Variants in ZDHHC4 observed in about 807,000 individuals in gnomAD.
ZDHHC4 encodes palmitoyltransferase ZDHHC4.
In ZDHHC4, 42 loss-of-function variants were observed where a neutral mutation model predicts 36.7. The ratio of observed to expected loss-of-function variants is 1.14; its 90% confidence interval spans 0.89 to 1.48. The LOEUF (loss-of-function observed/expected upper bound fraction) is 1.48, where lower values mean the gene tolerates loss of function less well. Among genes scored for constraint, ZDHHC4 ranks in the 40% most tolerant of loss-of-function variants. ZDHHC4 has a pLI of 0.00. For synonymous variants in ZDHHC4, 189 were observed against 166.6 expected (o/e 1.13, Z -1.03); for missense variants, 457 against 421.5 (o/e 1.08, Z -0.74).
At chr7:6,578,244 C>T (rs771499526) in intron 1 of ZDHHC4, among the ~76,000 whole-genome samples, 3 of 152,208 alleles carry the variant, frequency 2.0e-5, no homozygotes, top group Non-Finnish European at 4.4e-5. Flanking sequence ...CCTTCCACCT[C>T]AGCCTCCCAA....
intron 2 of ZDHHC4, among the ~76,000 whole-genome samples, chr7:6,578,931 G>T (rs1269816850): frequency 1.3e-5 from 2 of 152,036 alleles, no homozygotes; most frequent in African/African-American, 4.8e-5. Context: ...TTGAACTCCT[G>T]TGCTCAAGCA....
chr7:6,589,210 C>G lies in ZDHHC4; in HGVS notation c.*300C>G, dbSNP rs191074188. 1.6e-4 allele frequency: 59 copies of G among 375,200 alleles called. No individual in the cohort carries two copies. The highest frequency in any genetic ancestry group is 1.0e-3 in the African/African-American group (51 of 49,014). 23.2% of individuals were successfully genotyped at this position (375,200 alleles called of 1,614,324 possible). On this transcript the variant is annotated 3_prime_UTR_variant, in exon 8 of 8. Transcript: ENST00000335965. ...TGGGCATGTGGACAGGAGGGGCTTG[C>G]GGCCGTGTCTCTGACCTGTGTGATG... is the stretch of plus-strand genomic sequence containing the variant.
intron 6 of ZDHHC4, 182 bp from the exon 7 acceptor site, chr7:6,584,834 A>T (rs1019638878): frequency 1.3e-6 from 1 of 793,274 alleles, no homozygotes; most frequent in Admixed American, 2.9e-5. Context: ...CTCAATACCC[A>T]CATTTGGCTG....
chr7:6,585,357 C>A, intron 7 of ZDHHC4, 97 bp downstream of exon 7: 1 of 1,501,888 alleles, frequency 6.7e-7, no homozygotes. Flanking sequence ...GGTGTGGTGG[C>A]TCACGCCTAT....
intron 7 of ZDHHC4, among the ~76,000 whole-genome samples, chr7:6,586,075 C>A (rs1226692578): frequency 1.3e-5 from 2 of 152,008 alleles, no homozygotes; most frequent in East Asian, 3.9e-4. Flanking sequence ...ATCACTTGAA[C>A]CTGGGAGGCG....
Position 6,583,297 on chromosome 7 carries a change from T to C in ZDHHC4, c.371-9T>C. The C allele has an allele frequency of 6.2e-7, 1 of 1,613,756 alleles. No homozygotes were observed. The highest frequency in any genetic ancestry group is 8.5e-7 in the Non-Finnish European group (1 of 1,179,856). ...GCACGAAACTGACATATGTCCTTAC[T>C]TTTCCCAGGCATTATAACAAAAGCA... On this transcript the variant is annotated splice_polypyrimidine_tract_variant and intron_variant, in intron 5 of 7. Coordinates refer to ENST00000335965, the MANE Select transcript of ZDHHC4 (RefSeq NM_001134389.2).
chr7:6,580,520 T>A, intron 2 of ZDHHC4, 35 bp from the exon 3 acceptor site: 1 of 1,560,754 alleles, frequency 6.4e-7, no homozygotes, highest in South Asian at 1.1e-5. Context: ...AACCTTTCAG[T>A]AGCAGATAGT....
intron 2 of ZDHHC4, among the ~76,000 whole-genome samples, chr7:6,579,609 C>T (rs1780698781): frequency 6.6e-6 from 1 of 152,184 alleles, no homozygotes; most frequent in African/African-American, 2.4e-5. Context: ...GACAGGATGC[C>T]TGATTCTGGG....
chr7:6,577,992 G>A (rs779810996), intron 1 of ZDHHC4, among the ~76,000 whole-genome samples: 9 of 152,074 alleles, frequency 5.9e-5, no homozygotes, highest in Non-Finnish European at 1.3e-4. Flanking sequence ...ATCACGCCCA[G>A]CTAATTTTTT....
At chr7:6,577,972 G>A (rs1338625140) in intron 1 of ZDHHC4, among the ~76,000 whole-genome samples, 2 of 152,160 alleles carry the variant, frequency 1.3e-5, no homozygotes, top group African/African-American at 4.8e-5. Context: ...TTGGATTACA[G>A]GCATGCGCCA....
chr7:6,588,223 A>G (rs577647599), intron 7 of ZDHHC4, among the ~76,000 whole-genome samples: 52 of 152,346 alleles, frequency 3.4e-4, no homozygotes, highest in African/African-American at 1.2e-3. Context: ...GATAAAATCA[A>G]TGATACAACG....
chr7:6,586,280 A>T (rs187856739), intron 7 of ZDHHC4, among the ~76,000 whole-genome samples: 36 of 152,228 alleles, frequency 2.4e-4, no homozygotes, highest in South Asian at 2.3e-3. Flanking sequence ...ACATTTCATC[A>T]TCCCCAAAAG....
At chr7:6,583,735 C>T (rs1435138901) in intron 6 of ZDHHC4, 6 of 260,226 alleles carry the variant, frequency 2.3e-5, no homozygotes, top group Non-Finnish European at 4.3e-5. Context: ...CCTACAAAGC[C>T]TAGTCTTCTG....
chr7:6,579,357 C>T lies in ZDHHC4; in HGVS notation c.-8+637C>T, dbSNP rs531997055. Reference sequence around the variant, plus strand: ...CTGGGATTACAGGCATGTGCCACCACGCCCGGTTAATTTTTGTGTTTTTAG... The same window carrying T: ...CTGGGATTACAGGCATGTGCCACCATGCCCGGTTAATTTTTGTGTTTTTAG... On this transcript the variant is annotated intron_variant, in intron 2 of 7. Coordinates refer to ENST00000335965, the MANE Select transcript of ZDHHC4 (RefSeq NM_001134389.2). Among the ~76,000 whole-genome samples, 48 of 152,180 alleles carry T rather than the reference C, an allele frequency of 3.2e-4. 1 individual carries two copies. The highest frequency in any genetic ancestry group is 1.1e-3 in the African/African-American group (47 of 41,516).
chr7:6,578,522 C>G (rs973233864), intron 1 of ZDHHC4, 44 bp from the exon 2 acceptor site: 1 of 152,218 alleles, frequency 6.6e-6, no homozygotes, highest in Non-Finnish European at 1.5e-5. Flanking sequence ...TTGACTGCAA[C>G]TCTTGTCGTC....
At chr7:6,581,280 G>C (rs1780834316) in intron 3 of ZDHHC4, among the ~76,000 whole-genome samples, 1 of 152,232 alleles carries the variant, frequency 6.6e-6, no homozygotes, top group South Asian at 2.1e-4. Flanking sequence ...GGGTGTGGAT[G>C]CTGGAACCTG....
intron 5 of ZDHHC4, 82 bp downstream of exon 5, chr7:6,582,333 CT>C (rs1780916989): frequency 6.4e-6 from 8 of 1,254,968 alleles, no homozygotes; most frequent in South Asian, 3.7e-5. Flanking sequence ...GAGGCCCCCC[CT>C]GAGGACTTTG....
At chr7:6,583,246 T>G in intron 5 of ZDHHC4, 60 bp from the exon 6 acceptor site, 3 of 1,593,256 alleles carry the variant, frequency 1.9e-6, no homozygotes, top group Non-Finnish European at 2.6e-6. Context: ...CAGGACGGGT[T>G]TTGTGACTAT....
chr7:6,580,350 AC>A (rs1780754970), intron 2 of ZDHHC4, among the ~76,000 whole-genome samples: 2 of 152,010 alleles, frequency 1.3e-5, no homozygotes, highest in Admixed American at 1.3e-4. Flanking sequence ...TGGAGGCCCC[AC>A]TGAGAGGCAG....
Sources: gnomAD v4.1 joint callset for allele counts (sites outside exome capture counted in the v4.1 genomes callset) on GRCh38, gnomAD v4.1.1 for gene constraint, MANE v1.5 for transcripts, NCBI Gene and HGNC (gene_info 2026-07-23, HGNC 2026-07-21) for gene names.